FAM184A: variants seen among roughly 807,000 people sequenced by gnomAD.
FAM184A encodes family with sequence similarity 184 member A.
In FAM184A, 99 loss-of-function variants were observed where a neutral mutation model predicts 143.8. The observed-to-expected ratio is 0.69, with a 90% confidence interval of 0.58 to 0.81. FAM184A has a LOEUF of 0.81. FAM184A is among the 40% of genes least tolerant of loss of function. The probability of loss-of-function intolerance (pLI) is 0.00; values close to 1 mark genes in which losing one functional copy is unlikely to be tolerated. For synonymous variants in FAM184A, 427 were observed against 446.4 expected, an observed-to-expected ratio of 0.96 and a Z score of 0.55; for missense variants, 1,217 against 1,310.5, an observed-to-expected ratio of 0.93 and a Z score of 1.10.
At chr6:119,145,509 A>C (rs929230724) in intron 1 of FAM184A, among the ~76,000 whole-genome samples, 1 of 152,172 alleles carries the variant, frequency 6.6e-6, no homozygotes, top group African/African-American at 2.4e-5. Flanking sequence ...AACAGCAAAT[A>C]ATATCAAAAA....
At chr6:118,989,600 T>C (rs1170337727) in intron 9 of FAM184A, among the ~76,000 whole-genome samples, 2 of 151,866 alleles carry the variant, frequency 1.3e-5, no homozygotes, top group Non-Finnish European at 2.9e-5. Context: ...AAATATGAGA[T>C]AAAAAGATTA....
intron 14 of FAM184A, among the ~76,000 whole-genome samples, chr6:118,969,271 G>A (rs913760894): frequency 5.9e-5 from 9 of 151,994 alleles, no homozygotes; most frequent in Admixed American, 1.3e-4. Flanking sequence ...ACCCAGTCTC[G>A]GGCATGACTT....
At chr6:118,960,205 AC>A (rs762556875) in intron 17 of FAM184A, 21 bp from the exon 18 acceptor site, 1 of 1,602,746 alleles carries the variant, frequency 6.2e-7, no homozygotes, top group Non-Finnish European at 8.5e-7. Context: ...AAAAAGAGAG[AC>A]ATGTAACCCA....
At chr6:118,970,010 T>TA (rs1783644723) in intron 14 of FAM184A, among the ~76,000 whole-genome samples, 1 of 14,410 alleles carries the variant, frequency 6.9e-5, no homozygotes, top group African/African-American at 2.0e-4. Flanking sequence ...ATATATATAT[T>TA]TTTTTTTTTT....
At chr6:118,972,854 A>G (rs1453500844) in intron 14 of FAM184A, among the ~76,000 whole-genome samples, 2 of 152,202 alleles carry the variant, frequency 1.3e-5, no homozygotes, top group Admixed American at 6.5e-5. Flanking sequence ...GAGGCCAGGA[A>G]AAAGGACAGC....
chr6:119,075,585 G>A (rs1220175364), intron 1 of FAM184A, among the ~76,000 whole-genome samples: 1 of 152,130 alleles, frequency 6.6e-6, no homozygotes, highest in African/African-American at 2.4e-5. Context: ...CTGAAGAGTT[G>A]AGTTCTACTG....
chr6:119,097,976 C>G (rs1196804668), intron 1 of FAM184A, among the ~76,000 whole-genome samples: 2 of 152,180 alleles, frequency 1.3e-5, no homozygotes, highest in African/African-American at 4.8e-5. Context: ...TAAGGCCGAA[C>G]AACCACACCG....
At chr6:119,068,394 C>T (rs879484019) in intron 1 of FAM184A, among the ~76,000 whole-genome samples, 6 of 152,082 alleles carry the variant, frequency 3.9e-5, no homozygotes, top group Non-Finnish European at 7.4e-5. Context: ...AGAGGCTTAA[C>T]CAAGTGGGGA....
In FAM184A at chr6:118,975,225, G is replaced by A; in HGVS notation, c.2584-17C>T. The stretch of plus-strand genomic sequence containing the variant: ...CTCCTTACTCTGTTAAAAAAAAAAA[G>A]TCATTTTTAGAAGTTTTCTACATAT... On this transcript the variant is annotated splice_polypyrimidine_tract_variant and intron_variant, in intron 12 of 17. Transcript: ENST00000338891. 7.5e-7 allele frequency: 1 copy of A among 1,336,448 alleles called. No individual in the cohort carries two copies. The highest frequency in any genetic ancestry group is 1.0e-6 in the Non-Finnish European group (1 of 984,632). The allele number at this position is 1,336,448 out of a possible 1,614,324, so 82.8% of individuals were successfully genotyped here.
chr6:119,096,166 G>A (rs1402974842), intron 1 of FAM184A, among the ~76,000 whole-genome samples: 1 of 152,140 alleles, frequency 6.6e-6, no homozygotes, highest in Non-Finnish European at 1.5e-5. Context: ...ATTCTGATAA[G>A]TGGCTTGAAA....
At chr6:119,074,355 G>A (rs969715063) in intron 1 of FAM184A, among the ~76,000 whole-genome samples, 1 of 152,202 alleles carries the variant, frequency 6.6e-6, no homozygotes. Flanking sequence ...GCAAGAGACA[G>A]AGCAAGAGAC....
intron 1 of FAM184A, among the ~76,000 whole-genome samples, chr6:119,107,160 A>G (rs1041726753): frequency 4.6e-5 from 7 of 152,340 alleles, no homozygotes; most frequent in Middle Eastern, 3.4e-3. Flanking sequence ...AATAGTTTCT[A>G]CATGATTTCA....
Position 119,084,107 on chromosome 6 carries a change from G to A in FAM184A, c.-201-59294C>T, listed in dbSNP as rs539765316. On this transcript the variant is annotated intron_variant, in intron 1 of 16. Transcript: ENST00000352896. ...AGAGAGAGAGAAAGAGAGAGAGAAA[G>A]CAAAGGGGGAGGTCCCACTTTAAAC... Among the ~76,000 whole-genome samples, 101 of 152,126 alleles carry A rather than the reference G, an allele frequency of 6.6e-4. 1 individual carries two copies. Among genetic ancestry groups the A allele is most frequent in the African/African-American group, 2.2e-3 (92 of 41,504 alleles).
intron 1 of FAM184A, among the ~76,000 whole-genome samples, chr6:119,107,360 T>A (rs373482407): frequency 4.6e-5 from 7 of 152,196 alleles, no homozygotes; most frequent in Admixed American, 4.6e-4. Context: ...GTAAAGATTA[T>A]AATTTGGAGT....
intron 9 of FAM184A, among the ~76,000 whole-genome samples, chr6:119,000,033 A>G (rs1006449294): frequency 1.3e-5 from 2 of 152,216 alleles, no homozygotes; most frequent in African/African-American, 4.8e-5. Context: ...CTTTGTCTCA[A>G]AGTTCACATC....
upstream of FAM184A, among the ~76,000 whole-genome samples, chr6:119,080,115 G>A (rs771545004): frequency 2.0e-5 from 3 of 152,204 alleles, no homozygotes; most frequent in Admixed American, 6.5e-5. Flanking sequence ...AAGCAGAAAT[G>A]TATGCTCAAA....
intron 1 of FAM184A, among the ~76,000 whole-genome samples, chr6:119,027,810 T>G (rs555225365): frequency 6.6e-6 from 1 of 152,218 alleles, no homozygotes; most frequent in East Asian, 1.9e-4. Context: ...AAGACTAAAT[T>G]TTAGCTATTA....
chr6:119,067,669 G>A (rs556074929), intron 1 of FAM184A, among the ~76,000 whole-genome samples: 1 of 152,268 alleles, frequency 6.6e-6, no homozygotes, highest in South Asian at 2.1e-4. Context: ...TGTGACCAGA[G>A]GGTGTCAGGA....
intron 1 of FAM184A, among the ~76,000 whole-genome samples, chr6:119,095,205 G>T (rs1788474440): frequency 1.3e-5 from 2 of 152,110 alleles, no homozygotes; most frequent in Admixed American, 6.6e-5. Context: ...TCTCTTCCTT[G>T]CTAAGAACCC....
Sources: gnomAD v4.1 joint callset for allele counts (sites outside exome capture counted in the v4.1 genomes callset) on GRCh38, gnomAD v4.1.1 for gene constraint, MANE v1.5 for transcripts, NCBI Gene and HGNC (gene_info 2026-07-23, HGNC 2026-07-21) for gene names.